COL12A1: variants seen among roughly 807,000 people sequenced by gnomAD.
COL12A1 encodes collagen alpha-1(XII) chain.
COL12A1 carries 114 observed loss-of-function variants against 349.7 expected under a neutral mutation model. The observed-to-expected ratio is 0.33, with a 90% confidence interval of 0.28 to 0.38. The LOEUF is 0.38. COL12A1 is among the 10% of genes least tolerant of loss of function. COL12A1 has a pLI of 1.00. For synonymous variants in COL12A1, 1,369 were observed against 1,329.0 expected (o/e 1.03, Z -0.66); for missense variants, 3,284 against 3,756.9 (o/e 0.87, Z 3.29).
intron 54 of COL12A1, among the ~76,000 whole-genome samples, chr6:75,104,262 T>TTACC (rs1216301271): frequency 6.6e-6 from 1 of 152,174 alleles, no homozygotes; most frequent in Non-Finnish European, 1.5e-5. Flanking sequence ...TTCAAGCATG[T>TTACC]TACCTCACTA....
At chr6:75,200,946 A>G (rs189351193) in intron 2 of COL12A1, among the ~76,000 whole-genome samples, 1 of 139,032 alleles carries the variant, frequency 7.2e-6, no homozygotes, top group East Asian at 2.0e-4. Context: ...ATTAAGAAGC[A>G]AAAAAAAAAA....
chr6:75,101,752 C>A, intron 57 of COL12A1, 99 bp from the exon 58 acceptor site: 3 of 1,338,110 alleles, frequency 2.2e-6, no homozygotes, highest in Non-Finnish European at 3.1e-6. Flanking sequence ...ATTCCAGAGA[C>A]TCTGAATAGA....
In COL12A1 at chr6:75,138,491, A is replaced by T. The variant is rs763294691; in HGVS notation, c.5187T>A (p.Pro1729=). The T allele has an allele frequency of 4.3e-6, 7 of 1,613,946 alleles. No individual in the cohort carries two copies. The highest frequency in any genetic ancestry group is 1.3e-5 in the African/African-American group (1 of 74,930). Residue 1729 remains proline, a synonymous_variant, in exon 29 of 66, where the codon CCT becomes CCA. Coordinates refer to ENST00000322507, the MANE Select transcript of COL12A1 (RefSeq NM_004370.6). Reference sequence around the variant, plus strand: ...TCAGGTCATCACTTTCTGACTCATCAGGATAGATGGCAGTAATGGAAACTT... The same window carrying T: ...TCAGGTCATCACTTTCTGACTCATCTGGATAGATGGCAGTAATGGAAACTT... ...IYEVSITAIY[P]DESESDDLIG... is the part of the protein sequence containing the mutation.
At chr6:75,169,188 A>G (rs929533619) in intron 13 of COL12A1, among the ~76,000 whole-genome samples, 2 of 152,218 alleles carry the variant, frequency 1.3e-5, no homozygotes, top group Non-Finnish European at 2.9e-5. Flanking sequence ...TTGGTTCAAT[A>G]CATTGTCATT....
intron 58 of COL12A1, among the ~76,000 whole-genome samples, chr6:75,099,597 G>A (rs1768207583): frequency 6.6e-6 from 1 of 152,058 alleles, no homozygotes; most frequent in African/African-American, 2.4e-5. Flanking sequence ...TACCCACTAT[G>A]CCATCTGCAG....
chr6:75,121,252 G>A, intron 44 of COL12A1, 50 bp downstream of exon 44: 1 of 1,449,958 alleles, frequency 6.9e-7, no homozygotes, highest in South Asian at 1.6e-5. Flanking sequence ...GAAGTTCAAA[G>A]GAAAGGCAAG....
chr6:75,104,734 TATG>T (rs775714406), intron 54 of COL12A1, among the ~76,000 whole-genome samples: 85 of 152,348 alleles, frequency 5.6e-4, no homozygotes, highest in Middle Eastern at 3.4e-3. Context: ...ACCCAGAGTT[TATG>T]ATATCACATG....
intron 4 of COL12A1, 141 bp downstream of exon 4, chr6:75,192,071 C>T: frequency 3.4e-6 from 2 of 586,226 alleles, no homozygotes; most frequent in South Asian, 3.5e-5. Flanking sequence ...TATTCATGTC[C>T]ACTAATAACT....
Position 75,143,306 on chromosome 6 carries a change from T to C in COL12A1, c.4773A>G (p.Gly1591=), listed in dbSNP as rs1464793469. 3 of 1,613,860 alleles carry C rather than the reference T, an allele frequency of 1.9e-6. No individual in the cohort carries two copies. Among genetic ancestry groups the C allele is most frequent in the Non-Finnish European group, 2.5e-6 (3 of 1,179,944 alleles). Reference sequence around the variant, plus strand: ...ATCGAACAATATATTTACGCACTTTTCCAGGCACAGGTTCCCAAAAGACAT... The same window carrying C: ...ATCGAACAATATATTTACGCACTTTCCCAGGCACAGGTTCCCAAAAGACAT... The part of the protein sequence containing the change: ...TMNVFWEPVP[G]KVRKYIVRYK... The change falls in exon 26 of 66, where the codon GGA becomes GGG. Residue 1591 remains glycine, a synonymous_variant. Transcript: ENST00000322507.
rs1582103755 is a variant in COL12A1 at position 75,133,357 on chromosome 6, A to G, written c.5730T>C (p.Thr1910=). ...LRNLQPDTSY[T]VTVVPVYTEG... ...CAGTATAAACGGGAACTACAGTCACAGTGTATGAGGTATCTGGCTGCAGAT... is the reference window on the plus strand; with the variant it reads ...CAGTATAAACGGGAACTACAGTCACGGTGTATGAGGTATCTGGCTGCAGAT... The change falls in exon 34 of 66, where the codon ACT becomes ACC. Residue 1910 remains threonine (T), a synonymous_variant. Coordinates refer to ENST00000322507, the MANE Select transcript of COL12A1 (RefSeq NM_004370.6). 1.9e-6 allele frequency: 3 copies of G among 1,612,742 alleles called. No individual in the cohort carries two copies. The highest frequency in any genetic ancestry group is 2.5e-6 in the Non-Finnish European group (3 of 1,179,310).
At chr6:75,177,145 A>C (rs538591268) in intron 12 of COL12A1, among the ~76,000 whole-genome samples, 1 of 152,292 alleles carries the variant, frequency 6.6e-6, no homozygotes, top group East Asian at 1.9e-4. Flanking sequence ...TTTAAATTCT[A>C]TTGACACAAG....
rs534530101 is a variant in COL12A1, at chr6:75,189,197, A to G, written c.823+20T>C. Reference sequence around the variant, plus strand: ...CTGTAGGAGTTGTAAAATGGAAATAATTAACTGAACTTAACCTACCCAAGG... The same window carrying G: ...CTGTAGGAGTTGTAAAATGGAAATAGTTAACTGAACTTAACCTACCCAAGG... On this transcript the variant is annotated intron_variant, in intron 7 of 65. Transcript: ENST00000322507. 9.9e-5 allele frequency: 159 copies of G among 1,609,000 alleles called. 1 individual carries two copies. The South Asian group carries it at 1.7e-3, about 17-fold the overall frequency.
At position 75,165,815 on chromosome 6, in the gene COL12A1, A is replaced by G. The variant is rs774779022; in HGVS notation, c.2711-36T>C. 8.1e-5 allele frequency: 129 copies of G among 1,588,696 alleles called. 1 individual carries two copies. The highest frequency in any genetic ancestry group is 1.1e-4 in the Non-Finnish European group (125 of 1,162,012). On this transcript the variant is annotated intron_variant, in intron 13 of 65. Coordinates refer to ENST00000322507, the MANE Select transcript of COL12A1 (RefSeq NM_004370.6). ...AATTAAAAGGGAATCTTTTTTAAAA[A>G]TGTCTAGTAGGTATTTAAGTATTAT...
At chr6:75,128,222 A>G in intron 38 of COL12A1, 74 bp downstream of exon 38, 1 of 1,339,864 alleles carries the variant, frequency 7.5e-7, no homozygotes, top group Non-Finnish European at 9.8e-7. Flanking sequence ...TTTAGGTTTT[A>G]AAAGGTATAA....
chr6:75,186,054 C>T (rs1769599709), intron 8 of COL12A1, among the ~76,000 whole-genome samples: 1 of 152,046 alleles, frequency 6.6e-6, no homozygotes, highest in African/African-American at 2.4e-5. Context: ...GACATAGGCC[C>T]TGGCAAAGAT....
At chr6:75,204,126 GC>G (rs1770660915) in intron 1 of COL12A1, among the ~76,000 whole-genome samples, 1 of 152,194 alleles carries the variant, frequency 6.6e-6, no homozygotes, top group South Asian at 2.1e-4. Flanking sequence ...TTTTGGCACT[GC>G]CCTAAGTATC....
intron 2 of COL12A1, among the ~76,000 whole-genome samples, chr6:75,197,178 G>A (rs1310829783): frequency 6.6e-6 from 1 of 152,066 alleles, no homozygotes; most frequent in African/African-American, 2.4e-5. Context: ...ACATAAATCA[G>A]TGCTGAAAAA....
rs1194500291 is a variant in COL12A1 at position 75,183,844 on chromosome 6, A to C, written c.1288+10T>G. 1 of 1,613,490 alleles carries C rather than the reference A, an allele frequency of 6.2e-7. No homozygotes were observed. Among genetic ancestry groups the C allele is most frequent in the East Asian group, 2.2e-5 (1 of 44,870 alleles). On this transcript the variant is annotated intron_variant, in intron 9 of 65. Transcript: ENST00000322507. ...ATATTCCAAATACAATGATGCACACATTGACTTACCCACTTGAACTTTCAT... is the reference window on the plus strand; with the variant it reads ...ATATTCCAAATACAATGATGCACACCTTGACTTACCCACTTGAACTTTCAT...
rs1403705346 is a variant in COL12A1 at position 75,188,465 on chromosome 6, AT to A, written c.893del (p.Asn298MetfsTer43). On this transcript the variant is annotated frameshift_variant, in exon 8 of 66. Coordinates refer to ENST00000322507, the MANE Select transcript of COL12A1 (RefSeq NM_004370.6). LOFTEE classifies it high-confidence loss of function. Reference protein sequence around the residue: ...ASTPSLNHVFNVANFDAIVDI... With the variant: ...ASTPSLNHVFXVANFDAIVDI... Reference sequence around the variant, plus strand: ...CCACAATTGCATCAAAGTTGGCCACATTGAAAACATGGTTCAGTGAAGGTGT... The same window carrying A: ...CCACAATTGCATCAAAGTTGGCCACATGAAAACATGGTTCAGTGAAGGTGT... The A allele has an allele frequency of 6.2e-7, 1 of 1,613,622 alleles. No homozygotes were observed. The highest frequency in any genetic ancestry group is 8.5e-7 in the Non-Finnish European group (1 of 1,179,668).
Sources: allele counts gnomAD v4.1 joint callset (sites outside exome capture counted in the v4.1 genomes callset), GRCh38; gene constraint gnomAD v4.1.1; transcripts MANE v1.5; gene names NCBI Gene and HGNC (gene_info 2026-07-23, HGNC 2026-07-21).